Variants in NAALADL2 observed in about 807,000 individuals in gnomAD.
The protein encoded by NAALADL2 is inactive N-acetylated-alpha-linked acidic dipeptidase-like protein 2.
A neutral mutation model predicts 87.2 loss-of-function variants in NAALADL2; 76 were observed. That is an observed-to-expected ratio of 0.87 (90% CI 0.72 to 1.05). The LOEUF is 1.05. Among genes scored for constraint, NAALADL2 ranks in the 50% least tolerant of loss-of-function variants. The pLI is 0.00. For missense variants in NAALADL2, 1,089 were observed against 945.8 expected, an observed-to-expected ratio of 1.15 and a Z score of -1.99; for synonymous variants, 354 against 331.0, an observed-to-expected ratio of 1.07 and a Z score of -0.75.
chr3:175,218,858 T>C (rs888089535), intron 2 of NAALADL2, among the ~76,000 whole-genome samples: 2 of 151,932 alleles, frequency 1.3e-5, no homozygotes, highest in South Asian at 4.1e-4. Flanking sequence ...CAGGCTGGAG[T>C]GCAATCGCGC....
At chr3:175,138,002 T>G (rs367590558) in intron 2 of NAALADL2, among the ~76,000 whole-genome samples, 10 of 152,190 alleles carry the variant, frequency 6.6e-5, no homozygotes, top group African/African-American at 2.2e-4. Context: ...TACCACTTAA[T>G]TAATTTTCCT....
chr3:175,233,895 C>T (rs1745393600), intron 2 of NAALADL2, 36 bp from the exon 3 acceptor site: 3 of 1,276,346 alleles, frequency 2.4e-6, no homozygotes, highest in Non-Finnish European at 3.3e-6. Flanking sequence ...AAGTATTCTC[C>T]TTTTTAAAAA....
intron 3 of NAALADL2, chr3:175,234,966 A>T (rs10936831): frequency 4.0e-5 from 6 of 151,864 alleles, no homozygotes; most frequent in Non-Finnish European, 8.8e-5. Flanking sequence ...ACAATATACA[A>T]GTTAGATATA....
At chr3:174,755,652 T>C (rs968867019) in intron 3 of NAALADL2, among the ~76,000 whole-genome samples, 7 of 152,200 alleles carry the variant, frequency 4.6e-5, no homozygotes, top group African/African-American at 1.7e-4. Context: ...GAGGGACACA[T>C]TTCCTCTTTC....
intron 2 of NAALADL2, among the ~76,000 whole-genome samples, chr3:174,555,253 A>G (rs1913733): frequency 0.11 from 17,017 of 152,212 alleles, 1,007 homozygotes; most frequent in African/African-American, 0.15. Flanking sequence ...ATTTAATATA[A>G]GTTTTATGAG....
At chr3:175,758,370 CT>C (rs964658755) in intron 13 of NAALADL2, among the ~76,000 whole-genome samples, 1 of 151,658 alleles carries the variant, frequency 6.6e-6, no homozygotes, top group African/African-American at 2.4e-5. Context: ...TTCCTTAGCT[CT>C]ATTAATTTAT....
intron 11 of NAALADL2, among the ~76,000 whole-genome samples, chr3:175,723,038 T>C (rs1742450893): frequency 6.6e-6 from 1 of 152,150 alleles, no homozygotes; most frequent in Non-Finnish European, 1.5e-5. Context: ...GTGTCCTACC[T>C]CTGCTTCTTA....
chr3:175,782,670 A>T (rs1235789793), intron 13 of NAALADL2, among the ~76,000 whole-genome samples: 9 of 133,024 alleles, frequency 6.8e-5, no homozygotes, highest in Non-Finnish European at 1.4e-4. Flanking sequence ...GTTCACTCTG[A>T]TGGTAGTTTC....
chr3:174,599,145 C>G (rs2108605366), intron 2 of NAALADL2, among the ~76,000 whole-genome samples: 1 of 152,236 alleles, frequency 6.6e-6, no homozygotes, highest in East Asian at 1.9e-4. Context: ...CTGCCTGCTT[C>G]TTGCTGTTTT....
chr3:175,508,661 G>T (rs191196590), intron 9 of NAALADL2, among the ~76,000 whole-genome samples: 64 of 152,146 alleles, frequency 4.2e-4, no homozygotes, highest in Admixed American at 3.6e-3. Flanking sequence ...ACTTCAGAAT[G>T]CCTCTAAATA....
chr3:175,660,378 G>T lies in NAALADL2; in HGVS notation c.1896+32992G>T, dbSNP rs117340885. On this transcript the variant is annotated intron_variant, in intron 11 of 13. Transcript: ENST00000454872. ...TGATGCTATGTCAGACCCTTTTTTC[G>T]TTGATATGTCACAATAGTACATATT... 8.2e-4 allele frequency among the ~76,000 whole-genome samples: 125 copies of T among 151,714 alleles called. No individual in the cohort carries two copies. In the East Asian group the frequency reaches 0.021, roughly 26 times the overall value.
At chr3:175,066,418 T>C (rs1042194585) in intron 1 of NAALADL2, among the ~76,000 whole-genome samples, 3 of 152,074 alleles carry the variant, frequency 2.0e-5, no homozygotes, top group African/African-American at 7.2e-5. Context: ...GGAAGTTCCA[T>C]GAGGGCAGGG....
chr3:175,733,916 AG>A (rs1395055896), intron 11 of NAALADL2, among the ~76,000 whole-genome samples: 4 of 152,304 alleles, frequency 2.6e-5, no homozygotes, highest in African/African-American at 9.6e-5. Context: ...TCTCACATCC[AG>A]GTTATGCTGA....
chr3:175,674,910 G>A (rs1190022137), intron 11 of NAALADL2, among the ~76,000 whole-genome samples: 1 of 152,002 alleles, frequency 6.6e-6, no homozygotes, highest in African/African-American at 2.4e-5. Flanking sequence ...AATTACTTTT[G>A]TAATTTTGAG....
chr3:175,465,199 C>G (rs1289694342), intron 7 of NAALADL2, among the ~76,000 whole-genome samples: 2 of 144,062 alleles, frequency 1.4e-5, no homozygotes, highest in Non-Finnish European at 3.0e-5. Context: ...TTGCAGTGAG[C>G]AGAGATCACG....
intron 11 of NAALADL2, among the ~76,000 whole-genome samples, chr3:175,639,260 C>G (rs985587513): frequency 7.9e-5 from 12 of 151,022 alleles, no homozygotes; most frequent in Non-Finnish European, 1.8e-4. Flanking sequence ...CTTGTTCATA[C>G]TGGCTTATCT....
At position 175,329,898 on chromosome 3, in the gene NAALADL2, C is replaced by CCCCA. The variant is rs1259112198; in HGVS notation, c.1090+5575_1090+5578dup. ...ATTTTGGCGACGTAAGTTCTCTTGG[C>CCCCA]CCCACAGAGGGAAATTTGCAGTTGA... is the stretch of plus-strand genomic sequence containing the variant. On this transcript the variant is annotated intron_variant, in intron 5 of 13. Transcript: ENST00000454872. Among the ~76,000 whole-genome samples, 3 of 152,092 alleles carry CCCCA rather than the reference C, an allele frequency of 2.0e-5. 1 individual carries two copies. The highest frequency in any genetic ancestry group is 4.4e-5 in the Non-Finnish European group (3 of 68,030).
At chr3:175,095,740 G>A (rs60464476) in intron 1 of NAALADL2, among the ~76,000 whole-genome samples, 24,390 of 151,940 alleles carry the variant, frequency 0.16, 2,244 homozygotes, top group East Asian at 0.32. Flanking sequence ...TATCAGTTGA[G>A]CTGTGTTCTT....
intron 9 of NAALADL2, among the ~76,000 whole-genome samples, chr3:175,521,371 G>A (rs1342845361): frequency 1.3e-5 from 2 of 151,738 alleles, no homozygotes; most frequent in Admixed American, 6.6e-5. Flanking sequence ...ATAGATTTTT[G>A]TTGTTCAAAA....
Sources: gnomAD v4.1 joint callset for allele counts (sites outside exome capture counted in the v4.1 genomes callset) on GRCh38, gnomAD v4.1.1 for gene constraint, MANE v1.5 for transcripts, NCBI Gene and HGNC (gene_info 2026-07-23, HGNC 2026-07-21) for gene names.